Variants in PCDH15 observed in about 807,000 individuals in gnomAD.
The protein encoded by PCDH15 is protocadherin-15.
Under a neutral mutation model 178.5 loss-of-function variants are expected in PCDH15, and 129 were observed. That is an observed-to-expected ratio of 0.72 (90% CI 0.63 to 0.84). The LOEUF (loss-of-function observed/expected upper bound fraction) is 0.84. PCDH15 is among the 40% of genes least tolerant of loss of function. The pLI, the probability that PCDH15 is intolerant of heterozygous loss-of-function variation, is 0.00. For synonymous variants in PCDH15, 800 were observed against 732.0 expected (o/e 1.09, Z -1.50); for missense variants, 2,230 against 2,099.9 (o/e 1.06, Z -1.21).
At chr10:55,039,682 G>A (rs539767606) in intron 2 of PCDH15, among the ~76,000 whole-genome samples, 1 of 152,260 alleles carries the variant, frequency 6.6e-6, no homozygotes, top group Admixed American at 6.5e-5. Flanking sequence ...GAGAAAACTT[G>A]AGGGAGATGG....
intron 1 of PCDH15, among the ~76,000 whole-genome samples, chr10:55,244,654 T>C (rs1043919173): frequency 2.6e-5 from 4 of 151,962 alleles, no homozygotes; most frequent in Admixed American, 1.3e-4. Flanking sequence ...CCTGGTATTC[T>C]TGGGAACAAC....
chr10:55,216,132 A>T (rs1374497272), intron 1 of PCDH15, among the ~76,000 whole-genome samples: 1 of 151,900 alleles, frequency 6.6e-6, no homozygotes, highest in African/African-American at 2.4e-5. Flanking sequence ...GAGGAAGCAC[A>T]TATAAAAGTC....
intron 26 of PCDH15, among the ~76,000 whole-genome samples, chr10:53,870,953 A>C (rs2079799328): frequency 2.6e-5 from 4 of 152,144 alleles, no homozygotes; most frequent in Admixed American, 2.6e-4. Context: ...TTTGTTGTTA[A>C]ATAATTTTAA....
At chr10:55,121,032 T>C (rs1466018551) in intron 2 of PCDH15, among the ~76,000 whole-genome samples, 1 of 152,094 alleles carries the variant, frequency 6.6e-6, no homozygotes, top group Non-Finnish European at 1.5e-5. Context: ...ACTGTAGAAC[T>C]ACAAGACTGC....
rs1303573263 is a variant in PCDH15 at position 55,077,450 on chromosome 10, CCCTT to C, written c.-80+89122_-80+89125del. On this transcript the variant is annotated intron_variant, in intron 2 of 5. Coordinates refer to the PCDH15 transcript ENST00000458638. ...TCCTTCCTTCCTTTCTTCCTTCCTTCCCTTCCTTCCTTCCTTTCCTTCCTTCTTT... is the reference window on the plus strand; with the variant it reads ...TCCTTCCTTCCTTTCTTCCTTCCTTCCCTTCCTTCCTTTCCTTCCTTCTTT... Among the ~76,000 whole-genome samples the C allele has an allele frequency of 7.4e-4, 76 of 102,224 alleles. No homozygotes were observed. In the South Asian group the frequency reaches 0.013, roughly 18 times the overall value. 67.1% of individuals were successfully genotyped at this position (102,224 alleles called of 152,430 possible). A position where few individuals can be genotyped will look rare whatever the true frequency, so the allele number is the denominator to read the frequency against.
chr10:53,840,293 C>T, intron 29 of PCDH15, 27 bp downstream of exon 29: 1 of 1,605,826 alleles, frequency 6.2e-7, no homozygotes, highest in Non-Finnish European at 8.5e-7. Context: ...AACCAAAGAG[C>T]TGTTACAGAT....
In PCDH15 at chr10:54,867,669, AT is replaced by A. The variant is rs560081486; in HGVS notation, c.-29+29780del. Among the ~76,000 whole-genome samples, 162 of 152,240 alleles carry A rather than the reference AT, an allele frequency of 1.1e-3. 1 individual carries two copies. The highest frequency in any genetic ancestry group is 3.8e-3 in the African/African-American group (159 of 41,542). ...GGTCTTTAATAATATTATGCCAGAT[AT>A]TTTTATATATTACAATATTGCAATT... On this transcript the variant is annotated intron_variant, in intron 3 of 5. Coordinates refer to the PCDH15 transcript ENST00000458638.
At chr10:55,102,611 G>A (rs1013177234) in intron 2 of PCDH15, among the ~76,000 whole-genome samples, 2 of 152,034 alleles carry the variant, frequency 1.3e-5, no homozygotes, top group African/African-American at 4.8e-5. Flanking sequence ...TTTGGCGACT[G>A]TAATTGACTG....
Position 54,023,089 on chromosome 10 carries a change from G to A in PCDH15, c.2329C>T (p.Leu777Phe). 6.2e-7 allele frequency: 1 copy of A among 1,613,940 alleles called. No homozygotes were observed. Reference sequence around the variant, plus strand: ...TAGTAGTCCCTGACTTCTCTGTTAAGCTTCACTGCTGTGTAAATGCTCCCA... The same window carrying A: ...TAGTAGTCCCTGACTTCTCTGTTAAACTTCACTGCTGTGTAAATGCTCCCA... ...SNGSIYTAVK[L>F]NREVRDYYEL... The change falls in exon 19 of 38, where the codon CTT becomes TTT. Residue 777 changes from leucine (L) to phenylalanine (F), a missense_variant. By Grantham distance (22) the Leu-to-Phe change is conservative (BLOSUM62 0). Coordinates refer to ENST00000644397, the MANE Select transcript of PCDH15 (RefSeq NM_001384140.1).
intron 2 of PCDH15, among the ~76,000 whole-genome samples, chr10:55,346,857 T>A (rs1418154732): frequency 6.6e-6 from 1 of 151,920 alleles, no homozygotes; most frequent in Admixed American, 6.6e-5. Context: ...GAGCAGAGAA[T>A]CCAGGAGAAG....
intron 8 of PCDH15, among the ~76,000 whole-genome samples, chr10:54,260,654 C>T (rs1238875302): frequency 6.6e-6 from 1 of 152,028 alleles, no homozygotes; most frequent in Non-Finnish European, 1.5e-5. Flanking sequence ...GATCTCGGCT[C>T]ACTGCAACCT....
intron 16 of PCDH15, among the ~76,000 whole-genome samples, chr10:54,085,652 T>A (rs1276191106): frequency 6.6e-6 from 1 of 152,176 alleles, no homozygotes; most frequent in Non-Finnish European, 1.5e-5. Flanking sequence ...ATGATTTGTA[T>A]TACCAATGTT....
chr10:55,299,949 A>G (rs1843230913), intron 1 of PCDH15, among the ~76,000 whole-genome samples: 1 of 152,226 alleles, frequency 6.6e-6, no homozygotes, highest in South Asian at 2.1e-4. Flanking sequence ...AGAATTATAT[A>G]AACAACTTAT....
intron 8 of PCDH15, among the ~76,000 whole-genome samples, chr10:54,254,888 C>A (rs1260446723): frequency 6.8e-6 from 1 of 148,146 alleles, no homozygotes; most frequent in Non-Finnish European, 1.5e-5. Flanking sequence ...CTAAACTTCT[C>A]AATTTGTCTT....
rs959218722 is a variant in PCDH15 at position 53,953,817 on chromosome 10, T to G, written c.3122+5915A>C. On this transcript the variant is annotated intron_variant, in intron 23 of 37. Coordinates refer to ENST00000644397, the MANE Select transcript of PCDH15 (RefSeq NM_001384140.1). ...TGTTTTGTTTTGTTCTGAGACGAAG[T>G]CTTGCTCTGTCACCCAGGCTGGAGT... is the stretch of plus-strand genomic sequence containing the variant. 2.0e-5 allele frequency among the ~76,000 whole-genome samples: 3 copies of G among 152,152 alleles called. No individual in the cohort carries two copies. The South Asian group carries it at 6.2e-4, about 31-fold the overall frequency.
chr10:55,069,277 T>G (rs1841656327), intron 2 of PCDH15, among the ~76,000 whole-genome samples: 1 of 119,240 alleles, frequency 8.4e-6, no homozygotes, highest in Non-Finnish European at 1.9e-5. Flanking sequence ...ATGTTTAAAA[T>G]AACAATTTTT....
At chr10:55,087,843 G>A (rs1212228759) in intron 2 of PCDH15, among the ~76,000 whole-genome samples, 1 of 151,968 alleles carries the variant, frequency 6.6e-6, no homozygotes, top group Non-Finnish European at 1.5e-5. Flanking sequence ...AATTCATAGT[G>A]TAATTCTACA....
At chr10:54,310,884 G>GA (rs1022521281) in intron 8 of PCDH15, among the ~76,000 whole-genome samples, 2 of 152,010 alleles carry the variant, frequency 1.3e-5, no homozygotes, top group South Asian at 2.1e-4. Flanking sequence ...AAGGGAATGA[G>GA]AAAAAACGGT....
rs67901034 is a variant in PCDH15, at chr10:55,319,050, AACACACACAC to A, written c.-156+539_-156+548del. On this transcript the variant is annotated intron_variant, in intron 1 of 5. Transcript: ENST00000458638. Reference sequence around the variant, plus strand: ...CTTGCAAAAACAAGAAAACAAACAAAACACACACACACACACACACACAAACACACACGAT... The same window carrying A: ...CTTGCAAAAACAAGAAAACAAACAAAACACACACACACAAACACACACGAT... Among the ~76,000 whole-genome samples, 781 of 150,186 alleles carry A rather than the reference AACACACACAC, an allele frequency of 5.2e-3. 11 individuals are homozygous for A. Among genetic ancestry groups the A allele is most frequent in the African/African-American group, 0.018 (736 of 40,862 alleles).
Sources: allele counts gnomAD v4.1 joint callset (sites outside exome capture counted in the v4.1 genomes callset), GRCh38; gene constraint gnomAD v4.1.1; transcripts MANE v1.5; gene names NCBI Gene and HGNC (gene_info 2026-07-23, HGNC 2026-07-21).